The following GLRA3 variants were observed in gnomAD, a reference collection of about 807,000 sequenced individuals.
GLRA3 encodes glycine receptor subunit alpha-3.
A neutral mutation model predicts 60.4 loss-of-function variants in GLRA3; 44 were observed. The observed-to-expected ratio is 0.73, with a 90% CI of 0.57 to 0.94. GLRA3 has a LOEUF of 0.94. Among genes scored for constraint, GLRA3 ranks in the 40% least tolerant of loss-of-function variants. GLRA3 has a pLI of 0.00. For missense variants in GLRA3, 508 were observed against 564.6 expected (o/e 0.90, Z 1.02); for synonymous variants, 223 against 192.9 (o/e 1.16, Z -1.29).
intron 5 of GLRA3, among the ~76,000 whole-genome samples, chr4:174,696,731 T>C (rs1010383440): frequency 6.6e-6 from 1 of 152,056 alleles, no homozygotes; most frequent in African/African-American, 2.4e-5. Flanking sequence ...GTATTTTTGT[T>C]TGAAATATCT....
At position 174,815,436 on chromosome 4, in the gene GLRA3, G is replaced by A. The variant is rs183538402; in HGVS notation, c.71+13305C>T. 1.9e-4 allele frequency among the ~76,000 whole-genome samples: 29 copies of A among 152,302 alleles called. No individual in the cohort carries two copies. The East Asian group carries it at 2.1e-3, about 11-fold the overall frequency. ...GGTGATGTCTCAGTAGGGACTCTGC[G>A]TGGGGGCTCCCACTTCACATTTCCC... On this transcript the variant is annotated intron_variant, in intron 1 of 9. Transcript: ENST00000274093.
chr4:174,667,020 T>G (rs1302690234), intron 7 of GLRA3, among the ~76,000 whole-genome samples: 1 of 152,076 alleles, frequency 6.6e-6, no homozygotes, highest in Non-Finnish European at 1.5e-5. Context: ...GCTCTCATAC[T>G]GCATGTCTAC....
chr4:174,802,441 T>C (rs1213346090), intron 1 of GLRA3, among the ~76,000 whole-genome samples: 1 of 152,066 alleles, frequency 6.6e-6, no homozygotes, highest in Admixed American at 6.6e-5. Flanking sequence ...ATCATGATTG[T>C]CCAACTGACT....
intron 1 of GLRA3, among the ~76,000 whole-genome samples, chr4:174,796,545 T>C (rs1739576029): frequency 7.0e-6 from 1 of 142,872 alleles, no homozygotes; most frequent in Non-Finnish European, 1.6e-5. Flanking sequence ...TCTTTCTTTC[T>C]TTTTTTTTTT....
chr4:174,697,841 A>G (rs1735124733), intron 5 of GLRA3, among the ~76,000 whole-genome samples: 1 of 152,194 alleles, frequency 6.6e-6, no homozygotes, highest in Non-Finnish European at 1.5e-5. Context: ...TTTTGTGAGA[A>G]ATTTCAGTGA....
intron 5 of GLRA3, among the ~76,000 whole-genome samples, chr4:174,708,895 T>C (rs1325878391): frequency 6.6e-6 from 1 of 151,584 alleles, no homozygotes; most frequent in Non-Finnish European, 1.5e-5. Context: ...AAATTCAGTT[T>C]TGAGTTTTTT....
chr4:174,651,632 T>C (rs1219141339), intron 9 of GLRA3, among the ~76,000 whole-genome samples: 1 of 152,102 alleles, frequency 6.6e-6, no homozygotes, highest in East Asian at 1.9e-4. Flanking sequence ...AGTCACCTGT[T>C]CTCCAGGTGG....
At chr4:174,743,811 T>A (rs896774378) in intron 3 of GLRA3, among the ~76,000 whole-genome samples, 2 of 152,236 alleles carry the variant, frequency 1.3e-5, no homozygotes, top group Non-Finnish European at 2.9e-5. Context: ...GTTGAGATAT[T>A]ACATACAATA....
chr4:174,723,625 T>C (rs1736211761), intron 4 of GLRA3, among the ~76,000 whole-genome samples: 1 of 152,064 alleles, frequency 6.6e-6, no homozygotes, highest in South Asian at 2.1e-4. Flanking sequence ...TTGCAACCTA[T>C]GCAACCCCAA....
At position 174,642,357 on chromosome 4, in the gene GLRA3, A is replaced by G; in HGVS notation, c.*1429T>C. 1.0e-6 allele frequency: 1 copy of G among 976,638 alleles called. No homozygotes were observed. Among genetic ancestry groups the G allele is most frequent in the Non-Finnish European group, 1.2e-6 (1 of 822,134 alleles). The allele number at this position is 976,638 out of a possible 1,614,324, so 60.5% of individuals were successfully genotyped here. A position where few individuals can be genotyped will look rare whatever the true frequency, so the allele number is the denominator to read the frequency against. On this transcript the variant is annotated 3_prime_UTR_variant, in exon 10 of 10. Transcript: ENST00000274093. Reference sequence around the variant, plus strand: ...TTAATCTTTAAAGTTTTCTCTGTGAATAATTTGGTGGACTGAGTTTGTGCA... The same window carrying G: ...TTAATCTTTAAAGTTTTCTCTGTGAGTAATTTGGTGGACTGAGTTTGTGCA...
intron 6 of GLRA3, 22 bp downstream of exon 6, chr4:174,682,780 A>G (rs777723147): frequency 1.3e-6 from 2 of 1,567,566 alleles, no homozygotes; most frequent in Non-Finnish European, 8.8e-7. Context: ...AGTAAGTGTA[A>G]AGAACACTAC....
chr4:174,666,799 T>C (rs1297537706), intron 7 of GLRA3, among the ~76,000 whole-genome samples: 2 of 148,184 alleles, frequency 1.3e-5, no homozygotes, highest in Non-Finnish European at 3.0e-5. Context: ...TTTATTGCTG[T>C]CAGTCATCTT....
At chr4:174,731,801 T>C (rs1736556178) in intron 3 of GLRA3, among the ~76,000 whole-genome samples, 2 of 152,060 alleles carry the variant, frequency 1.3e-5, no homozygotes, top group Non-Finnish European at 2.9e-5. Flanking sequence ...ATACCAATAA[T>C]TGAGAAAAAG....
chr4:174,785,785 T>A (rs920886586), intron 2 of GLRA3, among the ~76,000 whole-genome samples: 3 of 152,168 alleles, frequency 2.0e-5, no homozygotes, highest in Admixed American at 6.5e-5. Context: ...TCTTCTTTTT[T>A]AAGAGATAGA....
At chr4:174,771,361 T>C (rs1033088944) in intron 2 of GLRA3, among the ~76,000 whole-genome samples, 3 of 152,152 alleles carry the variant, frequency 2.0e-5, no homozygotes, top group Non-Finnish European at 4.4e-5. Context: ...GTAGGCTGAC[T>C]GGCATCCTTG....
intron 3 of GLRA3, among the ~76,000 whole-genome samples, chr4:174,744,115 T>G (rs1052247181): frequency 6.6e-6 from 1 of 152,168 alleles, no homozygotes; most frequent in Non-Finnish European, 1.5e-5. Flanking sequence ...CCATCAAAAG[T>G]AGTTAGGCCT....
chr4:174,676,451 G>A (rs888180601), intron 7 of GLRA3, among the ~76,000 whole-genome samples: 3 of 152,122 alleles, frequency 2.0e-5, no homozygotes, highest in Non-Finnish European at 4.4e-5. Flanking sequence ...CAATGCATAT[G>A]GCTATCACTG....
chr4:174,696,115 A>G (rs28607535), intron 5 of GLRA3, among the ~76,000 whole-genome samples: 2,812 of 152,226 alleles, frequency 0.018, 83 homozygotes, highest in African/African-American at 0.063. Flanking sequence ...AAATGGAAAA[A>G]TATCCCATGC....
At chr4:174,741,211 C>T (rs1207143400) in intron 3 of GLRA3, among the ~76,000 whole-genome samples, 4 of 152,150 alleles carry the variant, frequency 2.6e-5, no homozygotes, top group Non-Finnish European at 5.9e-5. Context: ...ATGAGAGTTA[C>T]AGTTTCTTTG....
Sources: gnomAD v4.1 joint callset for allele counts (sites outside exome capture counted in the v4.1 genomes callset) on GRCh38, gnomAD v4.1.1 for gene constraint, MANE v1.5 for transcripts, NCBI Gene and HGNC (gene_info 2026-07-23, HGNC 2026-07-21) for gene names.